The following GRAMD2B variants were observed in gnomAD, a reference collection of about 807,000 sequenced individuals.
GRAMD2B encodes GRAM domain containing 2B.
A neutral mutation model predicts 59.2 loss-of-function variants in GRAMD2B; 41 were observed. The ratio of observed to expected loss-of-function variants is 0.69; its 90% CI spans 0.54 to 0.90. The LOEUF is 0.90. Ranked by LOEUF, GRAMD2B falls within the 40% of genes least tolerant of loss-of-function variation. GRAMD2B has a pLI of 0.00. For missense variants in GRAMD2B, 424 were observed against 500.5 expected, an observed-to-expected ratio of 0.85 and a Z score of 1.46; for synonymous variants, 161 against 182.7, an observed-to-expected ratio of 0.88 and a Z score of 0.96.
At chr5:126,406,320 C>T (rs891088831) in intron 1 of GRAMD2B, among the ~76,000 whole-genome samples, 16 of 151,410 alleles carry the variant, frequency 1.1e-4, no homozygotes, top group African/African-American at 2.9e-4. Flanking sequence ...CTAACCTGCA[C>T]GTTGTGCACA....
chr5:126,465,923 C>A (rs924478439), intron 2 of GRAMD2B, among the ~76,000 whole-genome samples: 2 of 152,088 alleles, frequency 1.3e-5, no homozygotes, highest in Non-Finnish European at 2.9e-5. Flanking sequence ...GGAAAAGAAT[C>A]CCCATCCCGG....
At chr5:126,433,917 A>G (rs1761987216) in intron 1 of GRAMD2B, 1 of 152,242 alleles carries the variant, frequency 6.6e-6, no homozygotes, top group Non-Finnish European at 1.5e-5. Context: ...TTACTTTCAA[A>G]GCCTGGAGCC....
chr5:126,445,796 G>A (rs987248148), intron 1 of GRAMD2B, among the ~76,000 whole-genome samples: 1 of 152,144 alleles, frequency 6.6e-6, no homozygotes, highest in Non-Finnish European at 1.5e-5. Flanking sequence ...CGTGTCATTG[G>A]GAATCTCTCT....
In GRAMD2B at chr5:126,454,102, A is replaced by C. The variant is rs180830970; in HGVS notation, c.84-11324A>C. Among the ~76,000 whole-genome samples, 763 of 152,352 alleles carry C rather than the reference A, an allele frequency of 5.0e-3. 6 individuals carry two copies. The highest frequency in any genetic ancestry group is 7.8e-3 in the Non-Finnish European group (528 of 68,032). On this transcript the variant is annotated intron_variant, in intron 1 of 13. Coordinates refer to ENST00000285689, the MANE Select transcript of GRAMD2B (RefSeq NM_023927.4). Reference sequence around the variant, plus strand: ...GAGAATCAACACATAGAGGAAGGACAGAACATGATATAAGTGCGGCCAAGG... The same window carrying C: ...GAGAATCAACACATAGAGGAAGGACCGAACATGATATAAGTGCGGCCAAGG...
At chr5:126,427,262 A>G (rs1445331312) in intron 1 of GRAMD2B, among the ~76,000 whole-genome samples, 4 of 152,114 alleles carry the variant, frequency 2.6e-5, no homozygotes, top group African/African-American at 7.2e-5. Context: ...CCCTCCCCCA[A>G]ACCCCTACCC....
chr5:126,362,205 G>A (rs1022738918), intron 1 of GRAMD2B, among the ~76,000 whole-genome samples: 10 of 152,224 alleles, frequency 6.6e-5, no homozygotes, highest in South Asian at 2.1e-4. Context: ...AAGACCAAAC[G>A]ATTTTTTGAT....
intron 1 of GRAMD2B, among the ~76,000 whole-genome samples, chr5:126,446,553 C>T (rs553394762): frequency 5.4e-4 from 81 of 150,580 alleles, no homozygotes; most frequent in African/African-American, 1.9e-3. Context: ...CACTGCTTCT[C>T]TTATCTACAA....
At position 126,447,536 on chromosome 5, in the gene GRAMD2B, C is replaced by T. The variant is rs111387992; in HGVS notation, c.84-17890C>T. On this transcript the variant is annotated intron_variant, in intron 1 of 13. Transcript: ENST00000285689. Reference sequence around the variant, plus strand: ...AAAATTAGCCGGGCGTGGTGGCGGGCGCCTGTAGTCCCAGCTACTCAGGAG... The same window carrying T: ...AAAATTAGCCGGGCGTGGTGGCGGGTGCCTGTAGTCCCAGCTACTCAGGAG... Among the ~76,000 whole-genome samples, 17 of 152,018 alleles carry T rather than the reference C, an allele frequency of 1.1e-4. No individual in the cohort carries two copies. In the South Asian group the frequency reaches 2.1e-3, roughly 19 times the overall value.
intron 6 of GRAMD2B, 30 bp downstream of exon 6, chr5:126,477,817 T>G (rs533234849): frequency 7.5e-7 from 1 of 1,330,008 alleles, no homozygotes; most frequent in East Asian, 2.3e-5. Flanking sequence ...AGGGCATCTT[T>G]GCTTTGTCCT....
At chr5:126,386,121 T>C (rs1310836421) in intron 1 of GRAMD2B, among the ~76,000 whole-genome samples, 1 of 152,236 alleles carries the variant, frequency 6.6e-6, no homozygotes, top group African/African-American at 2.4e-5. Flanking sequence ...TATTTGTTTT[T>C]CTTTTAGAGG....
At chr5:126,411,862 T>TGTGTGTGTG (rs1580844089) in intron 1 of GRAMD2B, among the ~76,000 whole-genome samples, 12 of 32,252 alleles carry the variant, frequency 3.7e-4, no homozygotes, top group South Asian at 8.1e-4. Flanking sequence ...GTGTGTGTGT[T>TGTGTGTGTG]TGTGTGTCTA....
chr5:126,423,401 G>A (rs533515816), upstream of GRAMD2B: 18 of 1,364,460 alleles, frequency 1.3e-5, no homozygotes, highest in East Asian at 1.2e-4. Flanking sequence ...TCCACAGTGG[G>A]TCGGACCAAT....
At chr5:126,463,947 A>G (rs975830121) in intron 1 of GRAMD2B, among the ~76,000 whole-genome samples, 3 of 152,014 alleles carry the variant, frequency 2.0e-5, no homozygotes, top group Non-Finnish European at 4.4e-5. Flanking sequence ...AGGAAGGAGA[A>G]TCTCTAGGAG....
intron 1 of GRAMD2B, among the ~76,000 whole-genome samples, chr5:126,428,211 C>G (rs890846686): frequency 6.6e-6 from 1 of 152,120 alleles, no homozygotes. Flanking sequence ...GCCTGGGCAA[C>G]ATAACAAGAT....
intron 1 of GRAMD2B, among the ~76,000 whole-genome samples, chr5:126,384,143 A>C (rs556378513): frequency 6.9e-4 from 105 of 152,304 alleles, no homozygotes; most frequent in Non-Finnish European, 1.1e-3. Context: ...TCTATTCTTC[A>C]ATAGATCTTA....
chr5:126,464,009 C>A (rs938478866), intron 1 of GRAMD2B, among the ~76,000 whole-genome samples: 2 of 151,450 alleles, frequency 1.3e-5, no homozygotes, highest in Non-Finnish European at 2.9e-5. Context: ...GCCTGGGCAA[C>A]CAGAGTGAAA....
chr5:126,483,819 G>T (rs568402152), intron 9 of GRAMD2B, among the ~76,000 whole-genome samples: 1 of 152,140 alleles, frequency 6.6e-6, no homozygotes, highest in African/African-American at 2.4e-5. Context: ...TAGACCTAAC[G>T]TTGGGGTGGT....
chr5:126,360,322 C>G (rs1343080100), exon 1 of GRAMD2B: 5 of 1,550,882 alleles, frequency 3.2e-6, no homozygotes, highest in Non-Finnish European at 4.4e-6. Context: ...GATCACCTGG[C>G]CTCTAGAAGA....
At chr5:126,360,145 G>A in exon 1 of GRAMD2B, 1 of 586,116 alleles carries the variant, frequency 1.7e-6, no homozygotes, top group East Asian at 3.0e-5. Flanking sequence ...CACACATGTG[G>A]GTTTCAAGTG....
Sources: gnomAD v4.1 joint callset for allele counts (sites outside exome capture counted in the v4.1 genomes callset) on GRCh38, gnomAD v4.1.1 for gene constraint, MANE v1.5 for transcripts, NCBI Gene and HGNC (gene_info 2026-07-23, HGNC 2026-07-21) for gene names.